Variants in TRMT44 observed in about 807,000 individuals in gnomAD.
TRMT44 encodes the protein probable tRNA (uracil-O(2)-)-methyltransferase.
TRMT44 carries 78 observed loss-of-function variants against 77.3 expected under a neutral mutation model. The observed-to-expected ratio is 1.01, with a 90% CI of 0.84 to 1.22. The LOEUF (loss-of-function observed/expected upper bound fraction) is 1.22, where lower values mean the gene tolerates loss of function less well. TRMT44 is among the 50% of genes most tolerant of loss of function. The pLI is 0.00. For missense variants in TRMT44, 1,090 were observed against 964.4 expected (o/e 1.13, Z -1.73); for synonymous variants, 391 against 383.3 (o/e 1.02, Z -0.23).
chr4:8,512,486 A>G, the TRMT44 span: 5 of 152,196 alleles, frequency 3.3e-5, no homozygotes, highest in Admixed American at 2.0e-4. Flanking sequence ...TGTTGTATGC[A>G]TTTTTTACAA....
intron 6 of TRMT44, chr4:8,455,021 C>T (rs1725712088): frequency 6.8e-6 from 4 of 587,860 alleles, no homozygotes; most frequent in Admixed American, 3.0e-5. Context: ...GACTGAAGGG[C>T]GCTGACCTCC....
intron 2 of TRMT44, among the ~76,000 whole-genome samples, chr4:8,490,950 T>C (rs1352089870): frequency 2.0e-5 from 3 of 152,064 alleles, no homozygotes; most frequent in Non-Finnish European, 4.4e-5. Flanking sequence ...ACAAAGGTTC[T>C]CCGAGGCCCC....
rs571853951 is a variant in TRMT44 at position 8,475,841 on chromosome 4, C to T, written c.2114C>T (p.Ala705Val). ...CTGTGGAAGACAAAGCAACCGGAAGCGAAACAGAGACTGCTCTCTGAAGCC... is the reference window on the plus strand; with the variant it reads ...CTGTGGAAGACAAAGCAACCGGAAGTGAAACAGAGACTGCTCTCTGAAGCC... ...ETLWKTKQPE[A>V]KQRLLSEACK... Residue 705 changes from alanine (A) to valine (V), a missense_variant, in exon 11 of 11, where the codon GCG (alanine) becomes GTG (valine). Transcript: ENST00000389737. The T allele has an allele frequency of 3.8e-4, 610 of 1,614,162 alleles. 6 individuals carry two copies. In the South Asian group the frequency reaches 6.0e-3, roughly 16 times the overall value.
chr4:8,443,848 T>C (rs868018877), intron 1 of TRMT44, among the ~76,000 whole-genome samples: 5 of 152,058 alleles, frequency 3.3e-5, no homozygotes, highest in Non-Finnish European at 7.4e-5. Flanking sequence ...TAATCCCAGC[T>C]ACTCAGGAGA....
At chr4:8,470,245 C>G (rs987488309) in intron 9 of TRMT44, among the ~76,000 whole-genome samples, 3 of 152,130 alleles carry the variant, frequency 2.0e-5, no homozygotes, top group African/African-American at 7.2e-5. Flanking sequence ...GCAGGATTCT[C>G]GCAGCAGCTG....
At position 8,441,060 on chromosome 4, in the gene TRMT44, G is replaced by T. The variant is rs1429056603; in HGVS notation, c.238G>T (p.Gly80Ter). 5 of 1,486,290 alleles carry T rather than the reference G, an allele frequency of 3.4e-6. No homozygotes were observed. The African/African-American group carries it at 7.0e-5, about 21-fold the overall frequency. 92.1% of individuals were successfully genotyped at this position (1,486,290 alleles called of 1,614,324 possible). Reference sequence around the variant, plus strand: ...TCCGGGACCCGGCCAGGGTTCCCCCGGAGGGGGCCCGGGTCCCAGGTCGCT... The same window carrying T: ...TCCGGGACCCGGCCAGGGTTCCCCCTGAGGGGGCCCGGGTCCCAGGTCGCT... ...RGPGPGQGSP[G>*]GGPGPRSLSG... Residue 80 changes from glycine (G) to a stop codon, truncating the protein, a stop_gained, in exon 1 of 11, where the codon GGA (glycine) becomes TGA (stop). Transcript: ENST00000389737. LOFTEE classifies it high-confidence loss of function.
Position 8,476,443 on chromosome 4 carries a change from G to A in TRMT44, c.*442G>A, listed in dbSNP as rs919823289. On this transcript the variant is annotated 3_prime_UTR_variant, in exon 11 of 11. Coordinates refer to ENST00000389737, the MANE Select transcript of TRMT44 (RefSeq NM_152544.3). ...GCGTTTCTCACCACACTGGAGAGCA[G>A]CTGCTCTGGAGCAGGGATCCACCAG... 4 of 175,218 alleles carry A rather than the reference G, an allele frequency of 2.3e-5. No individual in the cohort carries two copies. Among genetic ancestry groups the A allele is most frequent in the Admixed American group, 2.2e-4 (4 of 18,434 alleles). 10.9% of individuals were successfully genotyped at this position (175,218 alleles called of 1,614,324 possible). A position where few individuals can be genotyped will look rare whatever the true frequency, so the allele number is the denominator to read the frequency against.
At chr4:8,492,636 G>A (rs754369574) in intron 2 of TRMT44, among the ~76,000 whole-genome samples, 4 of 152,166 alleles carry the variant, frequency 2.6e-5, no homozygotes, top group Non-Finnish European at 5.9e-5. Context: ...AAAAAAGATA[G>A]CTACTACGAT....
chr4:8,490,755 G>C (rs372086790), intron 2 of TRMT44, among the ~76,000 whole-genome samples: 15 of 152,152 alleles, frequency 9.9e-5, no homozygotes, highest in Admixed American at 9.8e-4. Flanking sequence ...GGCCCCGAGC[G>C]GGTTGCCACT....
intron 2 of TRMT44, among the ~76,000 whole-genome samples, chr4:8,482,780 C>G (rs531006726): frequency 1.2e-4 from 18 of 152,176 alleles, no homozygotes; most frequent in African/African-American, 4.3e-4. Context: ...TTCAGGCCAT[C>G]TGGGCATATA....
At chr4:8,455,100 A>C (rs1725717626) in intron 6 of TRMT44, among the ~76,000 whole-genome samples, 1 of 152,220 alleles carries the variant, frequency 6.6e-6, no homozygotes, top group Non-Finnish European at 1.5e-5. Context: ...GCTCCCGTGC[A>C]GCCTTGAGGT....
intron 10 of TRMT44, among the ~76,000 whole-genome samples, chr4:8,474,027 C>T (rs1014692380): frequency 2.6e-5 from 4 of 152,220 alleles, no homozygotes; most frequent in African/African-American, 9.6e-5. Context: ...GCTCTTAACT[C>T]CGGAGCCGCG....
chr4:8,456,481 G>A (rs1725816477), intron 6 of TRMT44, among the ~76,000 whole-genome samples: 2 of 151,502 alleles, frequency 1.3e-5, no homozygotes, highest in Non-Finnish European at 2.9e-5. Flanking sequence ...ATAGATTTCA[G>A]TCTGCAGCTG....
intron 2 of TRMT44, among the ~76,000 whole-genome samples, chr4:8,449,169 C>T (rs1725264648): frequency 6.6e-6 from 1 of 152,204 alleles, no homozygotes; most frequent in Admixed American, 6.5e-5. Context: ...ACAGAAGCCC[C>T]CCACTGTCAT....
chr4:8,463,137 C>G (rs144436911), intron 6 of TRMT44, among the ~76,000 whole-genome samples: 2 of 152,118 alleles, frequency 1.3e-5, no homozygotes, highest in African/African-American at 4.8e-5. Flanking sequence ...AATGTCTTCC[C>G]CATTATGATC....
At chr4:8,453,544 G>A (rs2109111442) in intron 5 of TRMT44, 1 of 152,540 alleles carries the variant, frequency 6.6e-6, no homozygotes, top group East Asian at 1.9e-4. Flanking sequence ...ACAGACAACA[G>A]TATGGAACAG....
rs1726168624 is a variant in TRMT44, at chr4:8,461,742, T to G, written c.1204-2243T>G. Among the ~76,000 whole-genome samples, 2 of 152,174 alleles carry G rather than the reference T, an allele frequency of 1.3e-5. No homozygotes were observed. Among genetic ancestry groups the G allele is most frequent in the Non-Finnish European group, 2.9e-5 (2 of 68,044 alleles). Reference sequence around the variant, plus strand: ...AGTCTCGGTGCTAAAATAGCCATGTTTATTCTAGTGTTAAATAAATGCCAG... The same window carrying G: ...AGTCTCGGTGCTAAAATAGCCATGTGTATTCTAGTGTTAAATAAATGCCAG... On this transcript the variant is annotated intron_variant, in intron 6 of 10. Transcript: ENST00000389737. The surrounding 1 kb of genome is among the most constrained non-coding windows in gnomAD (Gnocchi z 4.6).
At chr4:8,463,045 TTTAC>T (rs924200324) in intron 6 of TRMT44, among the ~76,000 whole-genome samples, 13 of 152,244 alleles carry the variant, frequency 8.5e-5, no homozygotes, top group Admixed American at 7.2e-4. Context: ...GTTTTAGTTT[TTTAC>T]TTACCATGTC....
chr4:8,491,724 C>T (rs62287406), intron 2 of TRMT44, among the ~76,000 whole-genome samples: 9,504 of 152,332 alleles, frequency 0.062, 416 homozygotes, highest in African/African-American at 0.13. Flanking sequence ...GCCAAACCCA[C>T]GCCCACCCGG....
Sources: allele counts gnomAD v4.1 joint callset (sites outside exome capture counted in the v4.1 genomes callset), GRCh38; gene constraint gnomAD v4.1.1; non-coding constraint Gnocchi (gnomAD v3.1); transcripts MANE v1.5; gene names NCBI Gene and HGNC (gene_info 2026-07-23, HGNC 2026-07-21).